Variants in DIP2C observed in about 807,000 individuals in gnomAD.
The protein encoded by DIP2C is DIP2 acetate--CoA ligase C (putative), also known as disco-interacting protein 2 homolog C.
Under a neutral mutation model 192.4 loss-of-function variants are expected in DIP2C, and 33 were observed. The observed-to-expected ratio is 0.17, with a 90% confidence interval of 0.13 to 0.23. DIP2C has a LOEUF of 0.23. DIP2C is among the 10% of genes least tolerant of loss of function. The pLI is 1.00. For synonymous variants in DIP2C, 979 were observed against 864.1 expected, an observed-to-expected ratio of 1.13 and a Z score of -2.33; for missense variants, 1,537 against 2,110.1, an observed-to-expected ratio of 0.73 and a Z score of 5.32.
rs1965270997 is a variant in DIP2C at position 412,768 on chromosome 10, CT to C, written c.1057+1144del. Among the ~76,000 whole-genome samples, 6 of 152,160 alleles carry C rather than the reference CT, an allele frequency of 3.9e-5. 1 individual carries two copies. In the South Asian group the frequency reaches 1.2e-3, roughly 32 times the overall value. On this transcript the variant is annotated intron_variant, in intron 8 of 36. Transcript: ENST00000280886. ...GCTAATGTAGAAATCAATTCCTTTC[CT>C]ACCTGCAATCAGAAAAGTGTTGTAA...
intron 35 of DIP2C, among the ~76,000 whole-genome samples, 188 bp from the exon 36 acceptor site, chr10:281,511 C>G (rs1421699925): frequency 1.3e-5 from 2 of 152,250 alleles, no homozygotes; most frequent in African/African-American, 4.8e-5. Flanking sequence ...GCTCGTGTGC[C>G]AGTACCCCAC....
chr10:285,673 G>A (rs1480378745), intron 34 of DIP2C, among the ~76,000 whole-genome samples: 2 of 152,212 alleles, frequency 1.3e-5, no homozygotes, highest in Non-Finnish European at 2.9e-5. Flanking sequence ...GAGATGAGGT[G>A]TCAAGAGAGG....
At chr10:408,034 C>T (rs903796219) in intron 9 of DIP2C, among the ~76,000 whole-genome samples, 1 of 152,146 alleles carries the variant, frequency 6.6e-6, no homozygotes, top group Non-Finnish European at 1.5e-5. Flanking sequence ...ATATTTTCTT[C>T]TAAGGCATTT....
At chr10:393,968 C>A (rs1589692451) in intron 10 of DIP2C, among the ~76,000 whole-genome samples, 1 of 152,264 alleles carries the variant, frequency 6.6e-6, no homozygotes, top group South Asian at 2.1e-4. Context: ...GGTGGGAATG[C>A]AAATTAGCAC....
chr10:336,921 T>TGTG (rs59758615), intron 29 of DIP2C, among the ~76,000 whole-genome samples: 48 of 49,974 alleles, frequency 9.6e-4, no homozygotes, highest in Middle Eastern at 0.017. Flanking sequence ...TGTGTGTGTG[T>TGTG]TGTGGAGGCC....
rs529654962 is a variant in DIP2C at position 274,387 on chromosome 10, A to T, written c.*2938T>A. Reference sequence around the variant, plus strand: ...AACAGAGTCAGATACATTTCCCTGTAGGAGTCACTTCCTTCCCGGGATTAA... The same window carrying T: ...AACAGAGTCAGATACATTTCCCTGTTGGAGTCACTTCCTTCCCGGGATTAA... On this transcript the variant is annotated 3_prime_UTR_variant, in exon 37 of 37. Transcript: ENST00000280886. 6.6e-6 allele frequency: 1 copy of T among 152,362 alleles called. No individual in the cohort carries two copies. The highest frequency in any genetic ancestry group is 1.5e-5 in the Non-Finnish European group (1 of 68,032). 9.4% of individuals were successfully genotyped at this position (152,362 alleles called of 1,614,324 possible). A position where few individuals can be genotyped will look rare whatever the true frequency, so the allele number is the denominator to read the frequency against.
chr10:349,356 G>A lies in DIP2C; in HGVS notation c.3084C>T (p.Asp1028=), dbSNP rs1439228024. The change falls in exon 25 of 37, where the codon GAC becomes GAT. Residue 1028 remains aspartate, a synonymous_variant. Transcript: ENST00000280886. Reference sequence around the variant, plus strand: ...CTGGGGGGTAGACCAAGGCCACGTGGTCGCCGTCCTGAAGGTGGCCCCTCT... The same window carrying A: ...CTGGGGGGTAGACCAAGGCCACGTGATCGCCGTCCTGAAGGTGGCCCCTCT... The part of the protein sequence containing the change: ...LMERGHLQDG[D]HVALVYPPGI... The A allele has an allele frequency of 1.2e-6, 2 of 1,609,662 alleles. No homozygotes were observed.
At chr10:661,957 C>G in intron 1 of DIP2C, 2 of 700,928 alleles carry the variant, frequency 2.9e-6, no homozygotes, top group South Asian at 1.5e-5. Context: ...CCCTCCTGAC[C>G]CAGGCACTGA....
intron 1 of DIP2C, among the ~76,000 whole-genome samples, chr10:533,870 G>T (rs1298359825): frequency 1.3e-5 from 2 of 152,100 alleles, no homozygotes; most frequent in Non-Finnish European, 2.9e-5. Context: ...TTCTAAATGG[G>T]CTGAGAACTG....
intron 33 of DIP2C, 127 bp downstream of exon 33, chr10:288,237 G>T: frequency 4.4e-6 from 4 of 912,218 alleles, no homozygotes; most frequent in Non-Finnish European, 6.8e-6. Flanking sequence ...TATACTCACT[G>T]ATATGTTACT....
chr10:462,928 C>A (rs1015892899), intron 3 of DIP2C, among the ~76,000 whole-genome samples: 1 of 152,014 alleles, frequency 6.6e-6, no homozygotes, highest in African/African-American at 2.4e-5. Context: ...CATGATTATC[C>A]CAATAGATGC....
At position 315,116 on chromosome 10, in the gene DIP2C, G is replaced by C. The variant is rs994524387; in HGVS notation, c.3925-5024C>G. ...GCATTCTATCTTCACACAGTGTTAT[G>C]TGCTATGAAAATGAAGATTCTTGCA... On this transcript the variant is annotated intron_variant, in intron 31 of 36. Transcript: ENST00000280886. 2.0e-5 allele frequency among the ~76,000 whole-genome samples: 3 copies of C among 152,218 alleles called. No homozygotes were observed. The East Asian group carries it at 5.8e-4, about 29-fold the overall frequency.
chr10:579,640 CAT>C (rs1306958320), intron 1 of DIP2C, among the ~76,000 whole-genome samples: 4 of 152,170 alleles, frequency 2.6e-5, no homozygotes, highest in East Asian at 1.9e-4. Flanking sequence ...CATGTACATG[CAT>C]AGAGCAAACA....
At chr10:484,885 G>A (rs2133545955) in intron 2 of DIP2C, 1 of 1,611,952 alleles carries the variant, frequency 6.2e-7, no homozygotes, top group Non-Finnish European at 8.5e-7. Flanking sequence ...AGAGCGGAAT[G>A]TTCTCCTCGG....
At chr10:613,939 C>T (rs185471527) in intron 1 of DIP2C, among the ~76,000 whole-genome samples, 1 of 152,274 alleles carries the variant, frequency 6.6e-6, no homozygotes, top group Non-Finnish European at 1.5e-5. Flanking sequence ...CCCATCTGCC[C>T]TGCCTTCCTC....
intron 1 of DIP2C, among the ~76,000 whole-genome samples, chr10:572,185 C>G (rs970287957): frequency 6.6e-6 from 1 of 152,240 alleles, no homozygotes; most frequent in South Asian, 2.1e-4. Context: ...TGGCTCCACA[C>G]GCCAGTGTTC....
chr10:649,105 A>G (rs1171590180), intron 1 of DIP2C, among the ~76,000 whole-genome samples: 1 of 148,628 alleles, frequency 6.7e-6, no homozygotes, highest in Non-Finnish European at 1.5e-5. Flanking sequence ...TCCACATTGG[A>G]CGGTGGGAGA....
At chr10:486,622 T>C (rs1473126581) in intron 1 of DIP2C, 92 bp from the exon 2 acceptor site, 1 of 1,031,958 alleles carries the variant, frequency 9.7e-7, no homozygotes, top group African/African-American at 1.6e-5. Context: ...TATCACAGTA[T>C]CTTCTGTGTG....
At chr10:543,416 G>C (rs540541986) in intron 1 of DIP2C, among the ~76,000 whole-genome samples, 12 of 152,336 alleles carry the variant, frequency 7.9e-5, no homozygotes, top group South Asian at 2.1e-4. Flanking sequence ...TGTTGCCATG[G>C]AAATTAAACT....
Sources: gnomAD v4.1 joint callset for allele counts (sites outside exome capture counted in the v4.1 genomes callset) on GRCh38, gnomAD v4.1.1 for gene constraint, MANE v1.5 for transcripts, NCBI Gene and HGNC (gene_info 2026-07-23, HGNC 2026-07-21) for gene names.